FHIT: variants seen among roughly 807,000 people sequenced by gnomAD.
FHIT encodes the protein bis(5'-adenosyl)-triphosphatase.
FHIT carries 19 observed loss-of-function variants against 17.9 expected under a neutral mutation model. The ratio of observed to expected loss-of-function variants is 1.06; its 90% CI spans 0.74 to 1.56. The LOEUF (loss-of-function observed/expected upper bound fraction) is 1.56. FHIT is among the 40% of genes most tolerant of loss of function. The pLI is 0.00. For synonymous variants in FHIT, 81 were observed against 69.7 expected (o/e 1.16, Z -0.81); for missense variants, 248 against 189.2 (o/e 1.31, Z -1.82).
rs867624065 is a variant in FHIT at position 60,377,473 on chromosome 3, T to C, written c.103+159387A>G. ...TGCCCAGCCAAGAATTCTTTTTTTT[T>C]TTTTTTTTTTTTTTTTTTTGAGACG... On this transcript the variant is annotated intron_variant, in intron 5 of 9. Coordinates refer to ENST00000492590, the MANE Select transcript of FHIT (RefSeq NM_002012.4). Among the ~76,000 whole-genome samples the C allele has an allele frequency of 1.3e-3, 135 of 103,798 alleles. 1 individual carries two copies. Among genetic ancestry groups the C allele is most frequent in the African/African-American group, 5.2e-3 (127 of 24,256 alleles). The allele number at this position is 103,798 out of a possible 152,430, so 68.1% of individuals were successfully genotyped here.
At chr3:59,983,561 A>G (rs773335813) in intron 7 of FHIT, among the ~76,000 whole-genome samples, 6 of 152,140 alleles carry the variant, frequency 3.9e-5, no homozygotes, top group Non-Finnish European at 8.8e-5. Context: ...TACATATAGG[A>G]AAAAACAGTA....
intron 3 of FHIT, among the ~76,000 whole-genome samples, chr3:60,961,412 G>A (rs1709437692): frequency 6.6e-6 from 1 of 152,088 alleles, no homozygotes; most frequent in African/African-American, 2.4e-5. Flanking sequence ...TTCTTTTGCT[G>A]TGCAGAAACT....
chr3:59,939,666 T>C lies in FHIT; in HGVS notation c.280-17252A>G, dbSNP rs564842765. Among the ~76,000 whole-genome samples, 121 of 152,332 alleles carry C rather than the reference T, an allele frequency of 7.9e-4. 1 individual carries two copies. The highest frequency in any genetic ancestry group is 2.9e-3 in the African/African-American group (119 of 41,592). On this transcript the variant is annotated intron_variant, in intron 7 of 9. Transcript: ENST00000492590. ...GTTGGCTTAGGACACTGCTGAGCCC[T>C]GGCTACAGCCAACTCAGGCTTAACT...
At chr3:60,233,711 T>C (rs1304956718) in intron 5 of FHIT, among the ~76,000 whole-genome samples, 1 of 152,146 alleles carries the variant, frequency 6.6e-6, no homozygotes, top group Non-Finnish European at 1.5e-5. Context: ...AATTCCCATG[T>C]GTCATGGGAG....
chr3:60,749,573 T>C lies in FHIT; in HGVS notation c.-18+72346A>G, dbSNP rs375483441. Among the ~76,000 whole-genome samples, 44 of 152,268 alleles carry C rather than the reference T, an allele frequency of 2.9e-4. No homozygotes were observed. The South Asian group carries it at 6.8e-3, about 24-fold the overall frequency. ...GTGACTTAAAAGCATTAAGCCAAGATGACAGAGAGATCATTGTCACCACTA... is the reference window on the plus strand; with the variant it reads ...GTGACTTAAAAGCATTAAGCCAAGACGACAGAGAGATCATTGTCACCACTA... On this transcript the variant is annotated intron_variant, in intron 4 of 9. Coordinates refer to ENST00000492590, the MANE Select transcript of FHIT (RefSeq NM_002012.4).
chr3:60,356,783 G>GAAAAAA (rs1699684063), intron 5 of FHIT, among the ~76,000 whole-genome samples: 1 of 101,090 alleles, frequency 9.9e-6, no homozygotes, highest in African/African-American at 4.7e-5. Flanking sequence ...AAAAAAAACG[G>GAAAAAA]AAGAAAGAGT....
intron 5 of FHIT, among the ~76,000 whole-genome samples, chr3:60,235,236 T>G (rs1013374207): frequency 1.3e-5 from 2 of 149,128 alleles, no homozygotes; most frequent in South Asian, 4.3e-4. Context: ...TGTTTGTTGT[T>G]TTTTTTTTTT....
chr3:60,370,074 GA>G (rs1275551242), intron 5 of FHIT, among the ~76,000 whole-genome samples: 1 of 152,158 alleles, frequency 6.6e-6, no homozygotes, highest in Non-Finnish European at 1.5e-5. Flanking sequence ...GCCTATGTCC[GA>G]GAGCTTTGAA....
chr3:60,154,085 T>A (rs1235999996), intron 5 of FHIT, among the ~76,000 whole-genome samples: 1 of 152,212 alleles, frequency 6.6e-6, no homozygotes, highest in Non-Finnish European at 1.5e-5. Context: ...AAGGCCTCCC[T>A]GGAAAGTAAG....
intron 8 of FHIT, among the ~76,000 whole-genome samples, chr3:59,810,781 C>A (rs911903155): frequency 6.6e-6 from 1 of 152,176 alleles, no homozygotes; most frequent in Non-Finnish European, 1.5e-5. Context: ...AACTTCCTTC[C>A]AAGCTTATAA....
chr3:60,135,552 C>T (rs913709585), intron 5 of FHIT, among the ~76,000 whole-genome samples: 1 of 152,104 alleles, frequency 6.6e-6, no homozygotes, highest in African/African-American at 2.4e-5. Flanking sequence ...AAAACACAAA[C>T]ATTTCAACAT....
intron 8 of FHIT, among the ~76,000 whole-genome samples, chr3:59,874,790 T>G (rs1037963553): frequency 2.0e-5 from 3 of 152,200 alleles, no homozygotes; most frequent in Non-Finnish European, 4.4e-5. Context: ...TGCCTCCTGC[T>G]GTTTTCCCCT....
At chr3:60,955,615 T>TATATACATATATATATATACAC (rs1709102309) in intron 3 of FHIT, among the ~76,000 whole-genome samples, 1 of 12,384 alleles carries the variant, frequency 8.1e-5, no homozygotes, top group African/African-American at 1.4e-4. Context: ...TATATATATA[T>TATATACATATATATATATACAC]ATATATATAT....
intron 4 of FHIT, among the ~76,000 whole-genome samples, chr3:60,665,604 A>T (rs1304191915): frequency 2.3e-4 from 35 of 152,018 alleles, no homozygotes; most frequent in African/African-American, 5.5e-4. Flanking sequence ...TGTTTTTTTA[A>T]AAATTAATAT....
At chr3:59,936,511 T>C (rs1210732765) in intron 7 of FHIT, among the ~76,000 whole-genome samples, 1 of 152,212 alleles carries the variant, frequency 6.6e-6, no homozygotes, top group Non-Finnish European at 1.5e-5. Context: ...GCTCCATGAA[T>C]AAACATTCGA....
intron 5 of FHIT, among the ~76,000 whole-genome samples, chr3:60,106,478 T>C (rs1243331541): frequency 6.6e-6 from 1 of 152,198 alleles, no homozygotes; most frequent in Non-Finnish European, 1.5e-5. Flanking sequence ...GGAAAAGGCA[T>C]TAAATCTGTG....
chr3:60,496,227 G>A (rs555282628), intron 5 of FHIT, among the ~76,000 whole-genome samples: 24 of 151,752 alleles, frequency 1.6e-4, no homozygotes, highest in South Asian at 4.2e-4. Flanking sequence ...GATTCCAAGC[G>A]AGAAATAAAA....
At chr3:61,128,020 G>A (rs1335578500) in intron 2 of FHIT, among the ~76,000 whole-genome samples, 18 of 152,206 alleles carry the variant, frequency 1.2e-4, no homozygotes, top group Admixed American at 1.2e-3. Context: ...AACCAAGTCT[G>A]TGTGACAATA....
chr3:60,273,673 A>C (rs1408753413), intron 5 of FHIT, among the ~76,000 whole-genome samples: 1 of 152,170 alleles, frequency 6.6e-6, no homozygotes, highest in Non-Finnish European at 1.5e-5. Context: ...CTGCTATTCT[A>C]GTCACTGTCA....
Sources: gnomAD v4.1 joint callset for allele counts (sites outside exome capture counted in the v4.1 genomes callset) on GRCh38, gnomAD v4.1.1 for gene constraint, MANE v1.5 for transcripts, NCBI Gene and HGNC (gene_info 2026-07-23, HGNC 2026-07-21) for gene names.